Variants in OTOG observed in about 807,000 individuals in gnomAD.
OTOG encodes the protein otogelin.
Under a neutral mutation model 313.8 loss-of-function variants are expected in OTOG, and 296 were observed. That is an observed-to-expected ratio of 0.94 (90% CI 0.86 to 1.04). OTOG has a LOEUF of 1.04. Among genes scored for constraint, OTOG ranks in the 50% least tolerant of loss-of-function variants. The probability of loss-of-function intolerance (pLI) is 0.00; values close to 1 mark genes in which losing one functional copy is unlikely to be tolerated. For synonymous variants in OTOG, 1,533 were observed against 1,554.9 expected, an observed-to-expected ratio of 0.99 and a Z score of 0.33; for missense variants, 3,948 against 3,840.1, an observed-to-expected ratio of 1.03 and a Z score of -0.74.
At chr11:17,586,444 C>A in intron 23 of OTOG, 30 bp from the exon 24 acceptor site, 2 of 1,315,270 alleles carry the variant, frequency 1.5e-6, no homozygotes, top group Non-Finnish European at 2.0e-6. Flanking sequence ...AGAGTGCTCT[C>A]CTGACCGCCT....
intron 48 of OTOG, 165 bp downstream of exon 48, chr11:17,638,714 A>G (rs1038824343): frequency 1.0e-5 from 16 of 1,538,330 alleles, no homozygotes; most frequent in Middle Eastern, 1.7e-4. Flanking sequence ...TCCGCACTCC[A>G]AGTGCTGAGC....
intron 3 of OTOG, among the ~76,000 whole-genome samples, chr11:17,548,777 G>A (rs1055734408): frequency 4.0e-5 from 6 of 151,846 alleles, no homozygotes; most frequent in Admixed American, 1.3e-4. Context: ...GAGTGCAGTC[G>A]CATAATCATA....
intron 24 of OTOG, among the ~76,000 whole-genome samples, chr11:17,587,027 G>A (rs1286109985): frequency 6.6e-6 from 1 of 152,204 alleles, no homozygotes; most frequent in Non-Finnish European, 1.5e-5. Flanking sequence ...ATATTTTTGT[G>A]CATATGGATC....
chr11:17,586,879 C>A (rs1227100287), intron 24 of OTOG, among the ~76,000 whole-genome samples: 1 of 152,110 alleles, frequency 6.6e-6, no homozygotes, highest in Non-Finnish European at 1.5e-5. Context: ...AGTGTGAGTG[C>A]AAATCCAAAA....
Position 17,620,868 on chromosome 11 carries a change from A to G in OTOG, c.6528+7167A>G, listed in dbSNP as rs1461278838. Among the ~76,000 whole-genome samples the G allele has an allele frequency of 9.2e-5, 14 of 152,286 alleles. No homozygotes were observed. In the East Asian group the frequency reaches 2.7e-3, roughly 29 times the overall value. On this transcript the variant is annotated intron_variant, in intron 39 of 55. Coordinates refer to ENST00000399397, the MANE Select transcript of OTOG (RefSeq NM_001292063.2). Reference sequence around the variant, plus strand: ...TTGCTCTAAGTTCATTAATCTTTTCATTTATAGTGTCTAAACATATTAATT... The same window carrying G: ...TTGCTCTAAGTTCATTAATCTTTTCGTTTATAGTGTCTAAACATATTAATT...
intron 39 of OTOG, among the ~76,000 whole-genome samples, chr11:17,627,287 G>T (rs917185582): frequency 1.3e-5 from 2 of 148,436 alleles, no homozygotes; most frequent in Non-Finnish European, 3.0e-5. Flanking sequence ...TTTGAGGTAT[G>T]TTCCTTTTAT....
chr11:17,598,594 C>T (rs943945236), intron 30 of OTOG, among the ~76,000 whole-genome samples: 1 of 152,130 alleles, frequency 6.6e-6, no homozygotes, highest in Non-Finnish European at 1.5e-5. Context: ...ACGTAGCGGT[C>T]CCACCTTAGA....
At chr11:17,559,265 A>G in intron 11 of OTOG, 104 bp downstream of exon 11, 1 of 1,024,028 alleles carries the variant, frequency 9.8e-7, no homozygotes, top group African/African-American at 1.6e-5. Context: ...AGTTATCAGA[A>G]CTCTCAGCCC....
intron 39 of OTOG, among the ~76,000 whole-genome samples, chr11:17,627,720 C>G (rs1197915612): frequency 6.6e-6 from 1 of 152,136 alleles, no homozygotes; most frequent in Non-Finnish European, 1.5e-5. Context: ...CCAGGCTTTT[C>G]CTTACTGGGA....
rs1222048522 is a variant in OTOG, at chr11:17,612,780, C to A, written c.6438+15C>A. ...GTGCCAACCTGGTGCCTGCCCCATA[C>A]CTCCCTCCCTGCTGGGGACTAGGAA... On this transcript the variant is annotated intron_variant, in intron 38 of 55. Transcript: ENST00000399397. The A allele has an allele frequency of 6.5e-7, 1 of 1,548,830 alleles. No homozygotes were observed. Among genetic ancestry groups the A allele is most frequent in the South Asian group, 1.2e-5 (1 of 83,792 alleles).
intron 38 of OTOG, 136 bp from the exon 39 acceptor site, chr11:17,613,476 C>G: frequency 2.8e-6 from 2 of 721,736 alleles, no homozygotes; most frequent in Admixed American, 4.7e-5. Flanking sequence ...GCACCATCAG[C>G]CCAGCCTGAT....
At chr11:17,581,864 T>G (rs1188271606) in intron 23 of OTOG, among the ~76,000 whole-genome samples, 1 of 152,248 alleles carries the variant, frequency 6.6e-6, no homozygotes, top group African/African-American at 2.4e-5. Flanking sequence ...CCAGCATTGC[T>G]GTGCTTCACA....
intron 49 of OTOG, 72 bp from the exon 50 acceptor site, chr11:17,640,673 C>T: frequency 6.8e-7 from 1 of 1,466,376 alleles, no homozygotes; most frequent in Non-Finnish European, 9.2e-7. Flanking sequence ...GAGAGGGGCC[C>T]AGGTGGCAGA....
intron 33 of OTOG, among the ~76,000 whole-genome samples, chr11:17,606,548 A>G (rs1590037605): frequency 6.6e-6 from 1 of 152,154 alleles, no homozygotes; most frequent in South Asian, 2.1e-4. Context: ...GGGGCCAGCA[A>G]CCTCCTCTCT....
chr11:17,635,114 C>T lies in OTOG; in HGVS notation c.7620C>T (p.Val2540=), dbSNP rs1590058102. ...CAGATCTCTGTGAGGCAGAGCTGGTCCCCAGCTGCCGACAGGACCAGATCC... is the reference window on the plus strand; with the variant it reads ...CAGATCTCTGTGAGGCAGAGCTGGTTCCCAGCTGCCGACAGGACCAGATCC... The part of the protein sequence containing the change: ...CDPDLCEAEL[V]PSCRQDQILI... The change falls in exon 46 of 56, where the codon GTC becomes GTT. Residue 2540 remains valine (V), a synonymous_variant. Transcript: ENST00000399397. 1.9e-6 allele frequency: 3 copies of T among 1,549,256 alleles called. No individual in the cohort carries two copies. Among genetic ancestry groups the T allele is most frequent in the East Asian group, 4.9e-5 (2 of 40,890 alleles).
intron 49 of OTOG, among the ~76,000 whole-genome samples, chr11:17,640,345 G>C (rs182174028): frequency 6.6e-6 from 1 of 152,302 alleles, no homozygotes; most frequent in East Asian, 1.9e-4. Context: ...CATGGCCACT[G>C]AGGGAAGTGA....
At chr11:17,602,708 CCTCCCTCT>C (rs1466882117) in intron 32 of OTOG, among the ~76,000 whole-genome samples, 4 of 152,096 alleles carry the variant, frequency 2.6e-5, no homozygotes, top group Admixed American at 2.6e-4. Context: ...TCTCACCCTC[CCTCCCTCT>C]CTCCCTTCTT....
intron 15 of OTOG, among the ~76,000 whole-genome samples, chr11:17,567,633 T>G (rs892115883): frequency 6.6e-6 from 1 of 152,230 alleles, no homozygotes; most frequent in Admixed American, 6.5e-5. Context: ...CGTAAGCCAC[T>G]GTGCCCAGCC....
At chr11:17,643,404 C>T (rs1848012290) in intron 53 of OTOG, 57 bp from the exon 54 acceptor site, 2 of 1,240,224 alleles carry the variant, frequency 1.6e-6, no homozygotes, top group South Asian at 2.1e-5. Context: ...GATCTTGGCT[C>T]CCGGCCTGGA....
Sources: gnomAD v4.1 joint callset for allele counts (sites outside exome capture counted in the v4.1 genomes callset) on GRCh38, gnomAD v4.1.1 for gene constraint, MANE v1.5 for transcripts, NCBI Gene and HGNC (gene_info 2026-07-23, HGNC 2026-07-21) for gene names.